The following MLIP variants were observed in gnomAD, a reference collection of about 807,000 sequenced individuals.
MLIP encodes the protein muscular LMNA-interacting protein.
In MLIP, 79 loss-of-function variants were observed where a neutral mutation model predicts 84.8. That is an observed-to-expected ratio of 0.93 (90% CI 0.78 to 1.12). The LOEUF (loss-of-function observed/expected upper bound fraction) is 1.12. MLIP is among the 50% of genes most tolerant of loss of function. The pLI, the probability that MLIP is intolerant of heterozygous loss-of-function variation, is 0.00. For missense variants in MLIP, 1,257 were observed against 1,160.6 expected, an observed-to-expected ratio of 1.08 and a Z score of -1.21; for synonymous variants, 504 against 463.0, an observed-to-expected ratio of 1.09 and a Z score of -1.14.
At chr6:54,044,232 G>T (rs1764905315) in intron 1 of MLIP, among the ~76,000 whole-genome samples, 1 of 152,154 alleles carries the variant, frequency 6.6e-6, no homozygotes, top group Non-Finnish European at 1.5e-5. Flanking sequence ...TCTGGTTCAA[G>T]AATTAAAAGC....
intron 5 of MLIP, among the ~76,000 whole-genome samples, chr6:54,150,734 C>T (rs1308470408): frequency 6.6e-6 from 1 of 152,158 alleles, no homozygotes; most frequent in Non-Finnish European, 1.5e-5. Context: ...GACTAGATGT[C>T]AGTACTGTTT....
chr6:54,233,332 C>T (rs1354091378), intron 12 of MLIP, among the ~76,000 whole-genome samples: 1 of 151,922 alleles, frequency 6.6e-6, no homozygotes, highest in Non-Finnish European at 1.5e-5. Context: ...TCTCCTAGCC[C>T]CCCACCCCCC....
chr6:54,141,549 C>T (rs903490945), intron 4 of MLIP, among the ~76,000 whole-genome samples: 4 of 152,172 alleles, frequency 2.6e-5, no homozygotes, highest in East Asian at 1.9e-4. Flanking sequence ...ACAAGTGATC[C>T]GCCTGCCTCG....
chr6:54,062,177 A>G (rs1766002544), intron 1 of MLIP, among the ~76,000 whole-genome samples: 5 of 152,162 alleles, frequency 3.3e-5, no homozygotes. Flanking sequence ...TGTTTTCTAT[A>G]TTAACAGTAT....
At chr6:54,081,510 C>T (rs746957986) in intron 1 of MLIP, among the ~76,000 whole-genome samples, 3 of 152,268 alleles carry the variant, frequency 2.0e-5, no homozygotes, top group South Asian at 2.1e-4. Context: ...CAGGTTCAAG[C>T]GATTCTCCTG....
At chr6:54,117,780 A>G (rs974667939) in intron 1 of MLIP, among the ~76,000 whole-genome samples, 10 of 151,852 alleles carry the variant, frequency 6.6e-5, no homozygotes, top group African/African-American at 2.4e-4. Context: ...CCCCGTCTCT[A>G]CTAAAAATAC....
intron 12 of MLIP, among the ~76,000 whole-genome samples, chr6:54,238,366 T>C (rs1330232576): frequency 6.6e-6 from 1 of 152,224 alleles, no homozygotes; most frequent in African/African-American, 2.4e-5. Flanking sequence ...ACCTCTCTTT[T>C]TAAGTCACCC....
chr6:54,193,186 T>C (rs1011680069), intron 10 of MLIP, among the ~76,000 whole-genome samples: 1 of 152,170 alleles, frequency 6.6e-6, no homozygotes, highest in African/African-American at 2.4e-5. Context: ...TCACCAATCT[T>C]AGCTTCTCTT....
At chr6:54,155,743 C>T (rs1461678239) in intron 5 of MLIP, among the ~76,000 whole-genome samples, 2 of 152,036 alleles carry the variant, frequency 1.3e-5, no homozygotes, top group African/African-American at 2.4e-5. Flanking sequence ...GTTCTTGGCT[C>T]CTAATTTTAA....
intron 1 of MLIP, among the ~76,000 whole-genome samples, chr6:54,090,351 A>G (rs1005851580): frequency 2.0e-5 from 3 of 151,994 alleles, no homozygotes; most frequent in Admixed American, 1.3e-4. Context: ...AGTGGAAGAT[A>G]CTTACTTTGT....
At chr6:54,194,311 A>G (rs1778146915) in intron 10 of MLIP, among the ~76,000 whole-genome samples, 1 of 152,148 alleles carries the variant, frequency 6.6e-6, no homozygotes. Context: ...GCTCAAAGGC[A>G]GTTTCTCCTT....
At chr6:54,264,008 A>C (rs956874206) in intron 13 of MLIP, among the ~76,000 whole-genome samples, 16 of 152,038 alleles carry the variant, frequency 1.1e-4, no homozygotes, top group African/African-American at 3.9e-4. Context: ...AAACTTCACA[A>C]AGTGTCTAAA....
At chr6:54,138,381 A>C in intron 4 of MLIP, 95 bp downstream of exon 4, 1 of 1,402,272 alleles carries the variant, frequency 7.1e-7, no homozygotes, top group Non-Finnish European at 9.4e-7. Context: ...TATAGTATTA[A>C]TTGTACTCCT....
intron 12 of MLIP, among the ~76,000 whole-genome samples, chr6:54,237,534 C>T (rs1781446258): frequency 6.6e-6 from 1 of 151,904 alleles, no homozygotes; most frequent in African/African-American, 2.4e-5. Context: ...TTTTGAAGTC[C>T]AGGCTCCTGC....
intron 1 of MLIP, among the ~76,000 whole-genome samples, chr6:54,053,729 G>T (rs1477967736): frequency 6.6e-6 from 1 of 152,170 alleles, no homozygotes; most frequent in Non-Finnish European, 1.5e-5. Context: ...AAAGAGCTTA[G>T]CACAGTGCCT....
At chr6:54,245,613 A>T (rs1295030375) in intron 12 of MLIP, among the ~76,000 whole-genome samples, 1 of 152,146 alleles carries the variant, frequency 6.6e-6, no homozygotes, top group African/African-American at 2.4e-5. Flanking sequence ...TTTAAAATAT[A>T]TATTTTGTCT....
At chr6:54,247,662 C>T (rs1782177746) in intron 12 of MLIP, among the ~76,000 whole-genome samples, 1 of 152,092 alleles carries the variant, frequency 6.6e-6, no homozygotes. Flanking sequence ...GAATGTGGCC[C>T]AATGCCAGGA....
intron 1 of MLIP, among the ~76,000 whole-genome samples, chr6:54,116,178 G>A (rs1368184784): frequency 6.6e-6 from 1 of 152,090 alleles, no homozygotes; most frequent in African/African-American, 2.4e-5. Context: ...GGCATAAAAG[G>A]GTGGCAGGGA....
In MLIP at chr6:54,141,312, C is replaced by CTTTTTT. The variant is rs376576497; in HGVS notation, c.2217+3034_2217+3039dup. Among the ~76,000 whole-genome samples the CTTTTTT allele has an allele frequency of 2.3e-4, 30 of 128,422 alleles. 3 individuals are homozygous for CTTTTTT. Among genetic ancestry groups the CTTTTTT allele is most frequent in the African/African-American group, 6.8e-4 (22 of 32,216 alleles). The allele number at this position is 128,422 out of a possible 152,430, so 84.2% of individuals were successfully genotyped here. ...GGCATCTGAATGCTGCTCAGCCTGC[C>CTTTTTT]TTTTTTTTTTTTTGAGACACGTCCC... is the stretch of plus-strand genomic sequence containing the variant. On this transcript the variant is annotated intron_variant, in intron 4 of 13. Coordinates refer to ENST00000502396, the MANE Select transcript of MLIP (RefSeq NM_001281747.2).
Sources: gnomAD v4.1 joint callset for allele counts (sites outside exome capture counted in the v4.1 genomes callset) on GRCh38, gnomAD v4.1.1 for gene constraint, MANE v1.5 for transcripts, NCBI Gene and HGNC (gene_info 2026-07-23, HGNC 2026-07-21) for gene names.